The following WDR25 variants were observed in gnomAD, a reference collection of about 807,000 sequenced individuals.
WDR25 encodes WD repeat-containing protein 25.
In WDR25, 35 loss-of-function variants were observed where a neutral mutation model predicts 47.7. The observed-to-expected ratio is 0.73, with a 90% CI of 0.56 to 0.97. The LOEUF (loss-of-function observed/expected upper bound fraction) is 0.97. Ranked by LOEUF, WDR25 falls within the 50% of genes least tolerant of loss-of-function variation. WDR25 has a pLI of 0.00. For missense variants in WDR25, 634 were observed against 704.7 expected, an observed-to-expected ratio of 0.90 and a Z score of 1.14; for synonymous variants, 248 against 278.9, an observed-to-expected ratio of 0.89 and a Z score of 1.10.
chr14:100,436,348 T>A (rs1175800718), intron 2 of WDR25, among the ~76,000 whole-genome samples: 1 of 152,208 alleles, frequency 6.6e-6, no homozygotes, highest in African/African-American at 2.4e-5. Context: ...ATACTTAGAC[T>A]TTGCTTGTAC....
rs1283242951 is a variant in WDR25, at chr14:100,392,294, T to C, written c.822+10548T>C. Among the ~76,000 whole-genome samples, 1 of 151,960 alleles carries C rather than the reference T, an allele frequency of 6.6e-6. No homozygotes were observed. The highest frequency in any genetic ancestry group is 1.5e-5 in the Non-Finnish European group (1 of 68,016). On this transcript the variant is annotated intron_variant, in intron 2 of 6. Coordinates refer to ENST00000402312, the MANE Select transcript of WDR25 (RefSeq NM_001161476.3). The surrounding 1 kb of genome is among the most constrained non-coding windows in gnomAD (Gnocchi z 4.2). Reference sequence around the variant, plus strand: ...CATTTTGGGGAATCTCACTATTGTGTTGGTAAAAACGTCAGCACATCCTAG... The same window carrying C: ...CATTTTGGGGAATCTCACTATTGTGCTGGTAAAAACGTCAGCACATCCTAG...
intron 2 of WDR25, among the ~76,000 whole-genome samples, chr14:100,396,069 C>T (rs1300704613): frequency 2.0e-5 from 3 of 151,140 alleles, no homozygotes; most frequent in Admixed American, 6.6e-5. Context: ...CTCCGCCTTC[C>T]GGGTTCATGA....
rs960956687 is a variant in WDR25, at chr14:100,449,728, C to T, written c.823-18293C>T. Among the ~76,000 whole-genome samples the T allele has an allele frequency of 6.6e-6, 1 of 152,212 alleles. No homozygotes were observed. The highest frequency in any genetic ancestry group is 2.4e-5 in the African/African-American group (1 of 41,470). On this transcript the variant is annotated intron_variant, in intron 2 of 6. Coordinates refer to ENST00000402312, the MANE Select transcript of WDR25 (RefSeq NM_001161476.3). This position sits in a 1 kb window ranked among gnomAD's most constrained non-coding sequence, Gnocchi z 4.2. The stretch of plus-strand genomic sequence containing the variant: ...CATGAAGCAGACAGAGTGATTTTAA[C>T]GCAGCTCCTTGTCCTGGCTTAGGTG...
At chr14:100,475,361 A>G (rs1899982993) in intron 3 of WDR25, among the ~76,000 whole-genome samples, 2 of 152,238 alleles carry the variant, frequency 1.3e-5, no homozygotes, top group South Asian at 2.1e-4. Flanking sequence ...ACAGTAGCCA[A>G]GATATGGAAG....
chr14:100,484,656 C>T (rs1013508534), intron 4 of WDR25, among the ~76,000 whole-genome samples: 6 of 152,132 alleles, frequency 3.9e-5, no homozygotes, highest in African/African-American at 1.2e-4. Flanking sequence ...CTTTTACCAT[C>T]ACCACTTACT....
intron 1 of WDR25, among the ~76,000 whole-genome samples, chr14:100,377,552 C>T (rs976422548): frequency 4.6e-5 from 7 of 151,956 alleles, no homozygotes; most frequent in Admixed American, 1.3e-4. Context: ...TCAGGTAATC[C>T]GCCCTTCTCG....
chr14:100,388,893 C>G (rs977872552), intron 2 of WDR25, among the ~76,000 whole-genome samples: 1 of 152,310 alleles, frequency 6.6e-6, no homozygotes, highest in East Asian at 1.9e-4. Context: ...CCTCTGTCCT[C>G]GAGAAGCAAG....
intron 2 of WDR25, among the ~76,000 whole-genome samples, chr14:100,447,740 C>T (rs1390127474): frequency 6.6e-6 from 1 of 152,164 alleles, no homozygotes; most frequent in Non-Finnish European, 1.5e-5. Flanking sequence ...AATGTATTTC[C>T]CAGACTTAAG....
chr14:100,464,871 C>T (rs1288245254), intron 2 of WDR25, among the ~76,000 whole-genome samples: 3 of 150,182 alleles, frequency 2.0e-5, no homozygotes, highest in African/African-American at 4.9e-5. Context: ...CTCCCCTACC[C>T]CATCTCATCT....
At chr14:100,397,929 C>T (rs1016838686) in intron 2 of WDR25, among the ~76,000 whole-genome samples, 3 of 152,196 alleles carry the variant, frequency 2.0e-5, no homozygotes, top group South Asian at 2.1e-4. Context: ...ACCTCTGCCT[C>T]GCAGGCTCAA....
chr14:100,396,740 A>G (rs545623456), intron 2 of WDR25, among the ~76,000 whole-genome samples: 1 of 152,330 alleles, frequency 6.6e-6, no homozygotes, highest in African/African-American at 2.4e-5. Context: ...AGCTAAGGAG[A>G]GGTCACATGT....
At chr14:100,477,061 G>A (rs1164783782) in intron 3 of WDR25, among the ~76,000 whole-genome samples, 1 of 152,166 alleles carries the variant, frequency 6.6e-6, no homozygotes, top group African/African-American at 2.4e-5. Flanking sequence ...GAACTTCTTA[G>A]TTAGCAAGAT....
intron 3 of WDR25, among the ~76,000 whole-genome samples, chr14:100,476,791 G>A (rs1900032109): frequency 1.3e-5 from 2 of 152,186 alleles, no homozygotes; most frequent in African/African-American, 4.8e-5. Context: ...CCTGATAAAT[G>A]TTGTTCCCCT....
chr14:100,408,150 G>A lies in WDR25; in HGVS notation c.822+26404G>A, dbSNP rs573061493. 7.2e-5 allele frequency among the ~76,000 whole-genome samples: 11 copies of A among 152,216 alleles called. 1 individual carries two copies. Among genetic ancestry groups the A allele is most frequent in the Admixed American group, 1.3e-4 (2 of 15,306 alleles). On this transcript the variant is annotated intron_variant, in intron 2 of 6. Transcript: ENST00000402312. ...AGGAACGGGGAGCCATGGAACGTGC[G>A]TGAAGCGGTGTGTAAAACTGGAGAG...
chr14:100,415,774 G>C (rs552416509), intron 2 of WDR25, among the ~76,000 whole-genome samples: 15 of 152,226 alleles, frequency 9.9e-5, no homozygotes, highest in Non-Finnish European at 2.1e-4. Context: ...TACTACTGCT[G>C]TGAGTAATAA....
chr14:100,495,270 T>G (rs1900694761), intron 4 of WDR25, among the ~76,000 whole-genome samples: 1 of 152,192 alleles, frequency 6.6e-6, no homozygotes, highest in African/African-American at 2.4e-5. Flanking sequence ...GGCAGGATAA[T>G]GGTTTGAACC....
At chr14:100,511,284 A>T (rs560087514) in intron 4 of WDR25, among the ~76,000 whole-genome samples, 44 of 152,210 alleles carry the variant, frequency 2.9e-4, no homozygotes, top group Admixed American at 5.9e-4. Flanking sequence ...TTATATTTTG[A>T]TGCTATTGTA....
chr14:100,443,423 G>A (rs991484974), intron 2 of WDR25, among the ~76,000 whole-genome samples: 8 of 115,842 alleles, frequency 6.9e-5, no homozygotes, highest in Admixed American at 6.1e-4. Context: ...TCCTAACACC[G>A]TTTCTGTTTA....
At chr14:100,514,809 T>C (rs938944486) in intron 4 of WDR25, among the ~76,000 whole-genome samples, 4 of 152,186 alleles carry the variant, frequency 2.6e-5, no homozygotes, top group South Asian at 2.1e-4. Context: ...CTATTGCTTT[T>C]CATTTTTGGG....
Sources: gnomAD v4.1 joint callset for allele counts (sites outside exome capture counted in the v4.1 genomes callset) on GRCh38, gnomAD v4.1.1 for gene constraint, Gnocchi (gnomAD v3.1) non-coding constraint, MANE v1.5 for transcripts, NCBI Gene and HGNC (gene_info 2026-07-23, HGNC 2026-07-21) for gene names.